ZBTB26: variants seen among roughly 807,000 people sequenced by gnomAD.
ZBTB26 encodes the protein zinc finger and BTB domain containing 26, also known as zinc finger and BTB domain-containing protein 26.
In ZBTB26, 12 loss-of-function variants were observed where a neutral mutation model predicts 31.6. The observed-to-expected ratio is 0.38, with a 90% CI of 0.24 to 0.61. The LOEUF is 0.61. Ranked by LOEUF, ZBTB26 falls within the 20% of genes least tolerant of loss-of-function variation. The probability of loss-of-function intolerance (pLI) is 0.60; values close to 1 mark genes in which losing one functional copy is unlikely to be tolerated. For synonymous variants in ZBTB26, 155 were observed against 182.9 expected (o/e 0.85, Z 1.23); for missense variants, 311 against 521.9 (o/e 0.60, Z 3.94).
At chr9:122,926,899 C>G (rs1833191264) in intron 1 of ZBTB26, among the ~76,000 whole-genome samples, 1 of 152,094 alleles carries the variant, frequency 6.6e-6, no homozygotes, top group South Asian at 2.1e-4. Context: ...TTTCACAATC[C>G]CCAACTGTAG....
chr9:122,931,142 G>A (rs528003303), intron 1 of ZBTB26: 2 of 152,300 alleles, frequency 1.3e-5, no homozygotes, highest in Non-Finnish European at 2.9e-5. Flanking sequence ...CCTCACCTCT[G>A]GCACTTCTTA....
At chr9:122,920,630 G>A (rs1007028414) in intron 1 of ZBTB26, among the ~76,000 whole-genome samples, 2 of 152,116 alleles carry the variant, frequency 1.3e-5, no homozygotes, top group African/African-American at 4.8e-5. Context: ...CAGAACTAAC[G>A]GGACAATGTT....
intron 1 of ZBTB26, among the ~76,000 whole-genome samples, chr9:122,929,422 T>G (rs979221993): frequency 1.3e-5 from 2 of 152,184 alleles, no homozygotes; most frequent in Non-Finnish European, 1.5e-5. Context: ...GCTCCTATAT[T>G]CAGTCACTGC....
At position 122,918,479 on chromosome 9, in the gene ZBTB26, G is replaced by C. The variant is rs1833047026; in HGVS notation, c.*130C>G. 1 of 1,392,298 alleles carries C rather than the reference G, an allele frequency of 7.2e-7. No individual in the cohort carries two copies. The highest frequency in any genetic ancestry group is 9.6e-7 in the Non-Finnish European group (1 of 1,040,618). The allele number at this position is 1,392,298 out of a possible 1,614,324, so 86.2% of individuals were successfully genotyped here. A position where few individuals can be genotyped will look rare whatever the true frequency, so the allele number is the denominator to read the frequency against. The stretch of plus-strand genomic sequence containing the variant: ...AAGTGGTAAGTTGCCTGGTCTATTA[G>C]TGCTTTGACTCACTCCCTACCACCT... On this transcript the variant is annotated 3_prime_UTR_variant, in exon 2 of 2. Coordinates refer to ENST00000373656, the MANE Select transcript of ZBTB26 (RefSeq NM_020924.4).
At chr9:122,926,590 A>T (rs1458213056) in intron 1 of ZBTB26, among the ~76,000 whole-genome samples, 1 of 151,994 alleles carries the variant, frequency 6.6e-6, no homozygotes, top group East Asian at 1.9e-4. Flanking sequence ...AAGAAAATTC[A>T]TTGAGCTGCA....
chr9:122,929,639 ATG>A (rs1833235433), intron 1 of ZBTB26, among the ~76,000 whole-genome samples: 2 of 152,230 alleles, frequency 1.3e-5, no homozygotes, highest in Non-Finnish European at 2.9e-5. Flanking sequence ...CCCTATAAGC[ATG>A]TGTTAGGTAT....
chr9:122,922,584 G>A (rs562483710), intron 1 of ZBTB26, among the ~76,000 whole-genome samples: 26 of 152,290 alleles, frequency 1.7e-4, no homozygotes, highest in African/African-American at 6.0e-4. Flanking sequence ...GTTCAAATCA[G>A]TGTGTATTCC....
At chr9:122,920,180 G>T (rs1833074216) in intron 1 of ZBTB26, among the ~76,000 whole-genome samples, 1 of 152,184 alleles carries the variant, frequency 6.6e-6, no homozygotes, top group Non-Finnish European at 1.5e-5. Flanking sequence ...TGTGTAAATA[G>T]CTTGGCATTC....
chr9:122,929,014 A>C (rs915984977), intron 1 of ZBTB26, among the ~76,000 whole-genome samples: 1 of 152,202 alleles, frequency 6.6e-6, no homozygotes, highest in African/African-American at 2.4e-5. Flanking sequence ...CTTGGTGACC[A>C]ATGTGGGGAA....
chr9:122,927,900 A>G (rs1833207489), intron 1 of ZBTB26, among the ~76,000 whole-genome samples: 1 of 151,936 alleles, frequency 6.6e-6, no homozygotes, highest in South Asian at 2.1e-4. Flanking sequence ...CAGTGGTGCA[A>G]TCTTGGCTCA....
chr9:122,917,286 A>G lies in ZBTB26; in HGVS notation c.*1323T>C, dbSNP rs577801360. On this transcript the variant is annotated 3_prime_UTR_variant, in exon 2 of 2. Transcript: ENST00000373656. ...GCTCATATTTAGTTATACCTTGGTC[A>G]ATATTGGCCAGGCCACCTCTTCAGG... 1.3e-5 allele frequency: 2 copies of G among 152,314 alleles called. No homozygotes were observed. Among genetic ancestry groups the G allele is most frequent in the Non-Finnish European group, 2.9e-5 (2 of 68,034 alleles). The allele number at this position is 152,314 out of a possible 1,614,324, so 9.4% of individuals were successfully genotyped here. A position where few individuals can be genotyped will look rare whatever the true frequency, so the allele number is the denominator to read the frequency against.
chr9:122,925,540 G>A (rs1021459169), intron 1 of ZBTB26, among the ~76,000 whole-genome samples: 2 of 152,132 alleles, frequency 1.3e-5, no homozygotes, highest in Non-Finnish European at 2.9e-5. Context: ...ATCTGGAACT[G>A]GTGGTTTACA....
At position 122,918,470 on chromosome 9, in the gene ZBTB26, G is replaced by C; in HGVS notation, c.*139C>G. 1 of 1,302,066 alleles carries C rather than the reference G, an allele frequency of 7.7e-7. No homozygotes were observed. Among genetic ancestry groups the C allele is most frequent in the Non-Finnish European group, 1.0e-6 (1 of 965,654 alleles). The allele number at this position is 1,302,066 out of a possible 1,614,324, so 80.7% of individuals were successfully genotyped here. A position where few individuals can be genotyped will look rare whatever the true frequency, so the allele number is the denominator to read the frequency against. ...ATCCACTCCAAGTGGTAAGTTGCCT[G>C]GTCTATTAGTGCTTTGACTCACTCC... On this transcript the variant is annotated 3_prime_UTR_variant, in exon 2 of 2. Transcript: ENST00000373656.
intron 1 of ZBTB26, among the ~76,000 whole-genome samples, chr9:122,928,483 T>C (rs1833218097): frequency 6.6e-6 from 1 of 152,190 alleles, no homozygotes; most frequent in Non-Finnish European, 1.5e-5. Context: ...TAGTTCTTTT[T>C]TTTGAACTGT....
chr9:122,918,634 C>A lies in ZBTB26; in HGVS notation c.1301G>T (p.Arg434Ile). Reference sequence around the variant, plus strand: ...TCAATTCACACAAGTACTATCATTTCTTAAGTTCAGGACAGCTTGGGCCAG... The same window carrying A: ...TCAATTCACACAAGTACTATCATTTATTAAGTTCAGGACAGCTTGGGCCAG... ...GKLAQAVLNL[R>I]NDSTCVN is the part of the protein sequence containing the mutation. Residue 434 changes from arginine (R) to isoleucine (I), a missense_variant, in exon 2 of 2, where the codon AGA (arginine) becomes ATA (isoleucine). Physicochemically the swap from Arg to Ile is moderately conservative, Grantham distance 97. Around this residue, in one of 5 missense-constraint regions of ZBTB26, gnomAD observed 49 missense variants for 66.0 expected, o/e 0.74. Coordinates refer to ENST00000373656, the MANE Select transcript of ZBTB26 (RefSeq NM_020924.4). The A allele has an allele frequency of 6.2e-7, 1 of 1,613,262 alleles. No individual in the cohort carries two copies.
chr9:122,928,734 C>T (rs1407420413), intron 1 of ZBTB26, among the ~76,000 whole-genome samples: 1 of 152,194 alleles, frequency 6.6e-6, no homozygotes, highest in Non-Finnish European at 1.5e-5. Context: ...AACTAAATCT[C>T]AATTCAAGGT....
rs757686247 is a variant in ZBTB26, at chr9:122,919,665, A to G, written c.270T>C (p.Ser90=). ...VGRQLLLSCY[S]GVLEFPEMEL... The stretch of plus-strand genomic sequence containing the variant: ...CCATCTCAGGGAATTCCAGCACACC[A>G]CTATAACAGGATAAGAGCAATTGTC... Residue 90 remains serine, a synonymous_variant, in exon 2 of 2, where the codon AGT becomes AGC. Transcript: ENST00000373656. This position sits in a 1 kb window ranked among gnomAD's most constrained non-coding sequence, Gnocchi z 6.1. 2.4e-5 allele frequency: 38 copies of G among 1,614,110 alleles called. No homozygotes were observed. The highest frequency in any genetic ancestry group is 2.5e-5 in the Non-Finnish European group (30 of 1,180,052).
At chr9:122,920,226 C>T (rs533075715) in intron 1 of ZBTB26, among the ~76,000 whole-genome samples, 19 of 152,200 alleles carry the variant, frequency 1.2e-4, no homozygotes, top group Non-Finnish European at 2.6e-4. Context: ...GAGAATAGTG[C>T]TTGGGATAGT....
rs928544671 is a variant in ZBTB26, at chr9:122,917,365, T to C, written c.*1244A>G. On this transcript the variant is annotated 3_prime_UTR_variant, in exon 2 of 2. Transcript: ENST00000373656. ...AGGTGGAGTAAATGACCTCTTAAGA[T>C]TCTCTAAGGACTCTACTAATACTAT... 2.0e-5 allele frequency: 3 copies of C among 152,214 alleles called. No individual in the cohort carries two copies. Among genetic ancestry groups the C allele is most frequent in the African/African-American group, 7.2e-5 (3 of 41,450 alleles). The allele number at this position is 152,214 out of a possible 1,614,324, so 9.4% of individuals were successfully genotyped here.
Sources: allele counts gnomAD v4.1 joint callset (sites outside exome capture counted in the v4.1 genomes callset), GRCh38; gene constraint gnomAD v4.1.1; regional missense constraint gnomAD v4.1.1; non-coding constraint Gnocchi (gnomAD v3.1); transcripts MANE v1.5; gene names NCBI Gene and HGNC (gene_info 2026-07-23, HGNC 2026-07-21).